Variants in GLI3 observed in about 807,000 individuals in gnomAD.
GLI3 encodes transcription activator GLI3.
In GLI3, 20 loss-of-function variants were observed where a neutral mutation model predicts 100.8. The observed-to-expected ratio is 0.20, with a 90% CI of 0.14 to 0.29. The LOEUF (loss-of-function observed/expected upper bound fraction) is 0.29. GLI3 is among the 10% of genes least tolerant of loss of function. GLI3 has a pLI of 1.00. For missense variants in GLI3, 2,040 were observed against 2,128.5 expected (o/e 0.96, Z 0.82); for synonymous variants, 938 against 860.5 (o/e 1.09, Z -1.58).
intron 1 of GLI3, among the ~76,000 whole-genome samples, chr7:42,227,916 T>A (rs1455472832): frequency 6.6e-6 from 1 of 152,162 alleles, no homozygotes; most frequent in East Asian, 1.9e-4. Flanking sequence ...TTGCTCAGGT[T>A]GTACGGGTAT....
At chr7:41,979,443 C>A (rs1787597852) in intron 10 of GLI3, among the ~76,000 whole-genome samples, 1 of 152,200 alleles carries the variant, frequency 6.6e-6, no homozygotes, top group South Asian at 2.1e-4. Context: ...TGCTAAGGGA[C>A]TTTCTAGCTC....
intron 2 of GLI3, among the ~76,000 whole-genome samples, chr7:42,221,760 G>A (rs1788491589): frequency 6.6e-6 from 1 of 152,086 alleles, no homozygotes; most frequent in Admixed American, 6.5e-5. Flanking sequence ...AAGAAACCAA[G>A]GTAACATATT....
At chr7:42,185,005 G>GC (rs1787690717) in intron 2 of GLI3, among the ~76,000 whole-genome samples, 1 of 152,058 alleles carries the variant, frequency 6.6e-6, no homozygotes, top group South Asian at 2.1e-4. Flanking sequence ...CTCAGAGTCT[G>GC]CCTCCTGGGA....
At chr7:42,091,789 G>A (rs566535458) in intron 3 of GLI3, among the ~76,000 whole-genome samples, 3 of 152,198 alleles carry the variant, frequency 2.0e-5, no homozygotes, top group South Asian at 4.1e-4. Flanking sequence ...GTTCCTTAAC[G>A]ATTCTTCCCG....
intron 2 of GLI3, among the ~76,000 whole-genome samples, chr7:42,168,795 G>A (rs1787299457): frequency 6.6e-6 from 1 of 152,062 alleles, no homozygotes; most frequent in Non-Finnish European, 1.5e-5. Flanking sequence ...GCACGCACTA[G>A]TGGTCCCAGC....
At chr7:42,256,305 C>CT (rs375129522) in intron 1 of GLI3, among the ~76,000 whole-genome samples, 473 of 146,456 alleles carry the variant, frequency 3.2e-3, no homozygotes, top group Non-Finnish European at 5.6e-3. Context: ...AATTTATCAG[C>CT]TTTTTTTTTT....
In GLI3 at chr7:42,247,352, A is replaced by G. The variant is rs149187832; in HGVS notation, c.-43+16642T>C. ...GAGGCTGGTTGTGGCTTGTAACCCA[A>G]ACACCACTGATGTGGTGATCAGTGT... On this transcript the variant is annotated intron_variant, in intron 1 of 2. Transcript: ENST00000678978. Among the ~76,000 whole-genome samples the G allele has an allele frequency of 5.9e-5, 9 of 152,196 alleles. 2 individuals are homozygous for G. Among genetic ancestry groups the G allele is most frequent in the African/African-American group, 2.2e-4 (9 of 41,536 alleles).
intron 4 of GLI3, among the ~76,000 whole-genome samples, chr7:42,059,303 C>CTAATA (rs1373864425): frequency 6.6e-6 from 1 of 151,828 alleles, no homozygotes; most frequent in Non-Finnish European, 1.5e-5. Flanking sequence ...CTTGTTTCTG[C>CTAATA]AATGTCTAAT....
In GLI3 at chr7:42,045,469, CTGG is replaced by C; in HGVS notation, c.738_740del (p.Gln247del). ...GAATAATGTCTGCATAGGGGCTGCG[CTGG>C]CCAGTTAGCAGGGCCATCTGATGAT... On this transcript the variant is annotated inframe_deletion, in exon 6 of 15. Transcript: ENST00000395925. 6.2e-7 allele frequency: 1 copy of C among 1,613,984 alleles called. No homozygotes were observed. Among genetic ancestry groups the C allele is most frequent in the Non-Finnish European group, 8.5e-7 (1 of 1,179,832 alleles).
At chr7:42,029,884 G>A (rs1352253656) in intron 7 of GLI3, among the ~76,000 whole-genome samples, 1 of 152,108 alleles carries the variant, frequency 6.6e-6, no homozygotes, top group Non-Finnish European at 1.5e-5. Context: ...CTGTCTCTCT[G>A]TCTAGGAGGC....
intron 1 of GLI3, among the ~76,000 whole-genome samples, chr7:42,252,581 G>A (rs1005806605): frequency 3.3e-5 from 5 of 152,108 alleles, no homozygotes; most frequent in South Asian, 2.1e-4. Context: ...AGTGATTATT[G>A]GAGCAAGCTG....
chr7:42,131,992 A>T lies in GLI3; in HGVS notation c.367+16234T>A, dbSNP rs563413719. ...TTACCAAAAGAACTAAAACAAAAAC[A>T]GTGACAAGTGCCCCTGGGACTAGGG... On this transcript the variant is annotated intron_variant, in intron 3 of 14. Coordinates refer to ENST00000395925, the MANE Select transcript of GLI3 (RefSeq NM_000168.6). 3.9e-5 allele frequency among the ~76,000 whole-genome samples: 6 copies of T among 152,324 alleles called. No homozygotes were observed. In the South Asian group the frequency reaches 1.2e-3, roughly 32 times the overall value.
chr7:42,207,643 GGATT>G (rs1788182033), intron 2 of GLI3, among the ~76,000 whole-genome samples: 2 of 152,084 alleles, frequency 1.3e-5, no homozygotes, highest in Admixed American at 1.3e-4. Context: ...CAATGATAGG[GGATT>G]GATTGAGTAA....
chr7:42,017,189 C>T (rs1702916642), intron 10 of GLI3, among the ~76,000 whole-genome samples: 1 of 152,190 alleles, frequency 6.6e-6, no homozygotes, highest in Admixed American at 6.5e-5. Flanking sequence ...TGCAGCCCAG[C>T]CCAAAGTGAC....
chr7:42,183,928 A>G (rs1430929932), intron 2 of GLI3, among the ~76,000 whole-genome samples: 2 of 152,202 alleles, frequency 1.3e-5, no homozygotes, highest in African/African-American at 4.8e-5. Context: ...ATCGGGAGCC[A>G]GAAATGTAAG....
chr7:42,212,638 C>G (rs3801231), intron 2 of GLI3, among the ~76,000 whole-genome samples: 4 of 152,162 alleles, frequency 2.6e-5, no homozygotes, highest in Admixed American at 1.3e-4. Flanking sequence ...TCCTAATAGA[C>G]GCTAATGAAT....
At chr7:42,080,857 T>A (rs921647249) in intron 3 of GLI3, among the ~76,000 whole-genome samples, 1 of 152,142 alleles carries the variant, frequency 6.6e-6, no homozygotes, top group South Asian at 2.1e-4. Flanking sequence ...AAAACCCACA[T>A]GACGAGAACA....
At chr7:42,079,499 G>C (rs942672409) in intron 3 of GLI3, among the ~76,000 whole-genome samples, 6 of 152,186 alleles carry the variant, frequency 3.9e-5, no homozygotes, top group African/African-American at 9.7e-5. Context: ...ACACCTTTCA[G>C]CTATCACTGC....
rs12666015 is a variant in GLI3, at chr7:42,042,170, G to A, written c.827-1931C>T. On this transcript the variant is annotated intron_variant, in intron 6 of 14. Coordinates refer to ENST00000395925, the MANE Select transcript of GLI3 (RefSeq NM_000168.6). ...TGGGACTACAGACACACACCACCACGCCCGGATAATTTTTTTTTATTTTTA... is the reference window on the plus strand; with the variant it reads ...TGGGACTACAGACACACACCACCACACCCGGATAATTTTTTTTTATTTTTA... Among the ~76,000 whole-genome samples the A allele has an allele frequency of 6.2e-3, 942 of 151,904 alleles. 22 individuals are homozygous for A. In the East Asian group the frequency reaches 0.077, roughly 12 times the overall value.
Sources: gnomAD v4.1 joint callset for allele counts (sites outside exome capture counted in the v4.1 genomes callset) on GRCh38, gnomAD v4.1.1 for gene constraint, MANE v1.5 for transcripts, NCBI Gene and HGNC (gene_info 2026-07-23, HGNC 2026-07-21) for gene names.